The following PDS5A variants were observed in gnomAD, a reference collection of about 807,000 sequenced individuals.
PDS5A encodes PDS5 cohesin associated factor A, also known as sister chromatid cohesion protein PDS5 homolog A.
PDS5A carries 42 observed loss-of-function variants against 167.1 expected under a neutral mutation model. The observed-to-expected ratio is 0.25, with a 90% CI of 0.20 to 0.33. The LOEUF (loss-of-function observed/expected upper bound fraction) is 0.33, where lower values mean the gene tolerates loss of function less well. PDS5A is among the 10% of genes least tolerant of loss of function. The pLI is 1.00. For synonymous variants in PDS5A, 553 were observed against 554.6 expected, an observed-to-expected ratio of 1.00 and a Z score of 0.04; for missense variants, 1,033 against 1,605.9, an observed-to-expected ratio of 0.64 and a Z score of 6.10.
At chr4:39,876,117 C>T (rs990985060) in intron 19 of PDS5A, among the ~76,000 whole-genome samples, 16 of 152,014 alleles carry the variant, frequency 1.1e-4, no homozygotes, top group Non-Finnish European at 1.5e-5. Flanking sequence ...GGTAGAATTC[C>T]TCTAAGAATA....
At chr4:39,886,011 G>A (rs1192054716) in intron 17 of PDS5A, among the ~76,000 whole-genome samples, 4 of 152,168 alleles carry the variant, frequency 2.6e-5, no homozygotes, top group Non-Finnish European at 5.9e-5. Context: ...TGAGAGATGA[G>A]AGATAGCGGT....
chr4:39,877,761 T>C (rs1284181070), intron 18 of PDS5A, among the ~76,000 whole-genome samples: 1 of 152,078 alleles, frequency 6.6e-6, no homozygotes, highest in African/African-American at 2.4e-5. Context: ...TGCACCACCA[T>C]GCCCGGCTAA....
intron 26 of PDS5A, among the ~76,000 whole-genome samples, chr4:39,858,390 A>G (rs988932228): frequency 6.6e-6 from 1 of 152,376 alleles, no homozygotes; most frequent in African/African-American, 2.4e-5. Context: ...TAGGATTGAG[A>G]GCCCAGAAGT....
chr4:39,898,434 T>C lies in PDS5A; in HGVS notation c.1725A>G (p.Leu575=). 5 of 1,593,024 alleles carry C rather than the reference T, an allele frequency of 3.1e-6. No homozygotes were observed. The highest frequency in any genetic ancestry group is 1.2e-5 in the South Asian group (1 of 86,956). ...DDEKLRSQLE[L]LISPTCSCKQ... ...TGCAAGAACAGGTTGGGCTAATTAATAACTCCAACTGAGACCGAAGTTTCT... is the reference window on the plus strand; with the variant it reads ...TGCAAGAACAGGTTGGGCTAATTAACAACTCCAACTGAGACCGAAGTTTCT... Residue 575 remains leucine, a synonymous_variant, in exon 16 of 33, where the codon TTA becomes TTG. Coordinates refer to ENST00000303538, the MANE Select transcript of PDS5A (RefSeq NM_001100399.2).
chr4:39,871,829 G>A (rs1036135202), intron 21 of PDS5A, among the ~76,000 whole-genome samples: 2 of 151,850 alleles, frequency 1.3e-5, no homozygotes, highest in African/African-American at 4.8e-5. Flanking sequence ...TCAGCCTCCC[G>A]AATAGCTGGG....
chr4:39,885,284 C>G (rs1721333343), intron 17 of PDS5A, among the ~76,000 whole-genome samples: 1 of 138,630 alleles, frequency 7.2e-6, no homozygotes, highest in Admixed American at 7.3e-5. Flanking sequence ...AAGAAAAAGA[C>G]AAAAGAAAGG....
chr4:39,896,383 G>GT (rs1340563744), intron 16 of PDS5A, among the ~76,000 whole-genome samples: 6 of 141,898 alleles, frequency 4.2e-5, no homozygotes, highest in Non-Finnish European at 7.6e-5. Flanking sequence ...CTCTTTTGTA[G>GT]TAACACTTAG....
chr4:39,898,630 G>C, intron 15 of PDS5A, 102 bp from the exon 16 acceptor site: 1 of 942,324 alleles, frequency 1.1e-6, no homozygotes, highest in Non-Finnish European at 1.6e-6. Context: ...GCCACTAAAA[G>C]AAAATCAGCC....
At chr4:39,923,929 A>G (rs1271450414) in intron 5 of PDS5A, among the ~76,000 whole-genome samples, 1 of 152,188 alleles carries the variant, frequency 6.6e-6, no homozygotes, top group Non-Finnish European at 1.5e-5. Context: ...ACTGAAAATC[A>G]AAAGTTTCAT....
chr4:39,924,352 C>T (rs901920170), intron 5 of PDS5A, among the ~76,000 whole-genome samples: 3 of 152,192 alleles, frequency 2.0e-5, no homozygotes, highest in East Asian at 3.8e-4. Context: ...GCAGCAAAAG[C>T]TAACAAACAC....
chr4:39,866,024 C>G (rs1321820119), intron 23 of PDS5A, among the ~76,000 whole-genome samples: 1 of 152,144 alleles, frequency 6.6e-6, no homozygotes, highest in Non-Finnish European at 1.5e-5. Flanking sequence ...TAAACAATCT[C>G]TGTGTGCACA....
chr4:39,917,667 G>A (rs1030646184), intron 7 of PDS5A, among the ~76,000 whole-genome samples: 2 of 151,816 alleles, frequency 1.3e-5, no homozygotes, highest in East Asian at 1.9e-4. Flanking sequence ...TTCCACCTCC[G>A]AGGTTCAAGC....
chr4:39,952,714 A>G (rs1728529123), intron 2 of PDS5A, among the ~76,000 whole-genome samples: 1 of 149,614 alleles, frequency 6.7e-6, no homozygotes, highest in Non-Finnish European at 1.5e-5. Flanking sequence ...CCCACAGTAC[A>G]CAGATCTGGA....
At chr4:39,914,741 C>G (rs1457983651) in intron 8 of PDS5A, among the ~76,000 whole-genome samples, 1 of 152,082 alleles carries the variant, frequency 6.6e-6, no homozygotes, top group Non-Finnish European at 1.5e-5. Context: ...GTGTGTGAAA[C>G]TTTTCAAAAA....
chr4:39,855,102 GA>G (rs907833323), intron 26 of PDS5A, among the ~76,000 whole-genome samples: 1 of 152,018 alleles, frequency 6.6e-6, no homozygotes, highest in African/African-American at 2.4e-5. Context: ...TATTAAGCTG[GA>G]AAAAAACAAT....
intron 2 of PDS5A, among the ~76,000 whole-genome samples, chr4:39,947,465 G>T (rs550292615): frequency 2.0e-5 from 3 of 152,198 alleles, no homozygotes; most frequent in South Asian, 2.1e-4. Context: ...AAAAAAAAGA[G>T]AGAGGAAACA....
intron 2 of PDS5A, among the ~76,000 whole-genome samples, chr4:39,938,699 C>CAGTA (rs1391689542): frequency 1.3e-5 from 2 of 152,018 alleles, no homozygotes; most frequent in Non-Finnish European, 2.9e-5. Context: ...AGGCCAGGCG[C>CAGTA]AGTAGCTCAT....
intron 12 of PDS5A, among the ~76,000 whole-genome samples, 196 bp downstream of exon 12, chr4:39,903,844 G>A (rs1385515061): frequency 6.6e-6 from 1 of 152,008 alleles, no homozygotes; most frequent in East Asian, 1.9e-4. Flanking sequence ...GGACAGTCTT[G>A]TTTAAACACA....
chr4:39,962,924 T>C (rs1729627273), intron 2 of PDS5A, among the ~76,000 whole-genome samples: 1 of 151,930 alleles, frequency 6.6e-6, no homozygotes, highest in South Asian at 2.1e-4. Flanking sequence ...ACTGCACCAC[T>C]GTGCTACAGC....
Sources: gnomAD v4.1 joint callset for allele counts (sites outside exome capture counted in the v4.1 genomes callset) on GRCh38, gnomAD v4.1.1 for gene constraint, MANE v1.5 for transcripts, NCBI Gene and HGNC (gene_info 2026-07-23, HGNC 2026-07-21) for gene names.